FBN1: variants seen among roughly 807,000 people sequenced by gnomAD.
FBN1 encodes fibrillin 1, also known as fibrillin-1.
Under a neutral mutation model 365.1 loss-of-function variants are expected in FBN1, and 29 were observed. The observed-to-expected ratio is 0.08, with a 90% CI of 0.06 to 0.11. The LOEUF is 0.11. Ranked by LOEUF, FBN1 falls within the 10% of genes least tolerant of loss-of-function variation. The pLI is 1.00. For missense variants in FBN1, 2,476 were observed against 3,703.2 expected, an observed-to-expected ratio of 0.67 and a Z score of 8.60; for synonymous variants, 1,210 against 1,270.5, an observed-to-expected ratio of 0.95 and a Z score of 1.01.
In FBN1 at chr15:48,463,838, G is replaced by C. The variant is rs1482444608; in HGVS notation, c.5065+61C>G. ...TCACCCTAAGGTGATGAACTTGTGAGCTCTCTTCCTCTTTGTAGATGAGAA... is the reference window on the plus strand; with the variant it reads ...TCACCCTAAGGTGATGAACTTGTGACCTCTCTTCCTCTTTGTAGATGAGAA... On this transcript the variant is annotated intron_variant, in intron 41 of 65. Transcript: ENST00000316623. 1.4e-5 allele frequency: 22 copies of C among 1,539,668 alleles called. No homozygotes were observed. The Admixed American group carries it at 2.1e-4, about 15-fold the overall frequency.
chr15:48,456,871 T>TGTGTGTGTGTGCGC (rs749897052), intron 43 of FBN1, 109 bp from the exon 44 acceptor site: 87 of 1,083,598 alleles, frequency 8.0e-5, no homozygotes, highest in Middle Eastern at 2.1e-4. Context: ...TGTGTGTGTG[T>TGTGTGTGTGTGCGC]GCGTGCATGT....
At chr15:48,592,096 C>T (rs1291689655) in intron 6 of FBN1, among the ~76,000 whole-genome samples, 3 of 152,206 alleles carry the variant, frequency 2.0e-5, no homozygotes, top group African/African-American at 7.2e-5. Flanking sequence ...GCTGTTCTTA[C>T]GTCCAATGGC....
intron 19 of FBN1, 96 bp from the exon 20 acceptor site, chr15:48,496,321 G>T: frequency 6.6e-7 from 1 of 1,517,374 alleles, no homozygotes; most frequent in Non-Finnish European, 9.1e-7. Context: ...TCATAACGAC[G>T]TGATCAATTC....
At position 48,575,583 on chromosome 15, in the gene FBN1, G is replaced by A. The variant is rs375488020; in HGVS notation, c.538+20700C>T. Among the ~76,000 whole-genome samples the A allele has an allele frequency of 3.9e-5, 6 of 152,198 alleles. No homozygotes were observed. The South Asian group carries it at 1.2e-3, about 32-fold the overall frequency. ...CCCACTGTTTAGCTCACACTTATAA[G>A]TGAAAACATGTAATATTTGGCTCTG... On this transcript the variant is annotated intron_variant, in intron 6 of 65. Coordinates refer to ENST00000316623, the MANE Select transcript of FBN1 (RefSeq NM_000138.5).
At chr15:48,511,469 A>C (rs1597578712) in intron 13 of FBN1, among the ~76,000 whole-genome samples, 1 of 152,228 alleles carries the variant, frequency 6.6e-6, no homozygotes, top group African/African-American at 2.4e-5. Context: ...CCCAAGGTTA[A>C]AATAAACAGG....
intron 13 of FBN1, among the ~76,000 whole-genome samples, chr15:48,511,391 A>T (rs1275637072): frequency 6.6e-6 from 1 of 152,178 alleles, no homozygotes; most frequent in Admixed American, 6.5e-5. Context: ...ACACTCAAAA[A>T]AAAATGGTAA....
At chr15:48,452,285 G>C (rs891648522) in intron 45 of FBN1, among the ~76,000 whole-genome samples, 1 of 152,144 alleles carries the variant, frequency 6.6e-6, no homozygotes. Flanking sequence ...AGTGTTTGCA[G>C]GCAGGGCAGC....
rs967122284 is a variant in FBN1, at chr15:48,467,931, C to T, written c.4747+7G>A. 1.9e-6 allele frequency: 3 copies of T among 1,611,162 alleles called. No homozygotes were observed. In the Admixed American group the frequency reaches 5.0e-5, roughly 27 times the overall value. ...AAATAATAATAAATAGGAGGATGTC[C>T]ACTTACATGTGTTCACAGCAGGACA... On this transcript the variant is annotated splice_region_variant and intron_variant, in intron 38 of 65. Transcript: ENST00000316623.
intron 6 of FBN1, among the ~76,000 whole-genome samples, chr15:48,579,657 C>A (rs1335356019): frequency 6.6e-6 from 1 of 152,154 alleles, no homozygotes; most frequent in African/African-American, 2.4e-5. Flanking sequence ...TTATCTCAGT[C>A]CACATCACTC....
At chr15:48,516,043 A>G in intron 11 of FBN1, 140 bp downstream of exon 11, 1 of 802,146 alleles carries the variant, frequency 1.2e-6, no homozygotes. Flanking sequence ...TGATATAGAT[A>G]TAGATAACAT....
At chr15:48,521,377 TA>T (rs2043853565) in intron 9 of FBN1, among the ~76,000 whole-genome samples, 1 of 152,236 alleles carries the variant, frequency 6.6e-6, no homozygotes, top group Non-Finnish European at 1.5e-5. Context: ...ATCCAATGCT[TA>T]TTAATCAAGA....
intron 2 of FBN1, among the ~76,000 whole-genome samples, chr15:48,634,857 CCACACACACACACACACACACACACA>C (rs57811526): frequency 1.6e-4 from 11 of 69,174 alleles, no homozygotes; most frequent in African/African-American, 7.4e-4. Context: ...AAAAAAAAAA[CCACACACACACACACACACACACACA>C]CACACACACA....
intron 6 of FBN1, among the ~76,000 whole-genome samples, chr15:48,585,027 A>C (rs912103959): frequency 6.6e-6 from 1 of 152,244 alleles, no homozygotes; most frequent in East Asian, 1.9e-4. Flanking sequence ...ATATCATTGG[A>C]ATCCCTAACA....
intron 42 of FBN1, 40 bp from the exon 43 acceptor site, chr15:48,460,357 TC>T (rs1382349153): frequency 7.8e-7 from 1 of 1,287,438 alleles, no homozygotes; most frequent in Admixed American, 1.7e-5. Context: ...AGGATAGGGG[TC>T]AGCAAAGAAC....
chr15:48,506,394 C>T (rs1057403635), intron 15 of FBN1, among the ~76,000 whole-genome samples: 2 of 152,112 alleles, frequency 1.3e-5, no homozygotes, highest in Non-Finnish European at 2.9e-5. Context: ...AAAATATATT[C>T]GGGTGGTCCA....
intron 17 of FBN1, among the ~76,000 whole-genome samples, chr15:48,500,578 A>T (rs544547275): frequency 6.6e-6 from 1 of 152,356 alleles, no homozygotes; most frequent in African/African-American, 2.4e-5. Flanking sequence ...GAATAAAAAA[A>T]TAAGTAAATA....
At chr15:48,639,846 A>G (rs913042308) in intron 2 of FBN1, among the ~76,000 whole-genome samples, 3 of 152,324 alleles carry the variant, frequency 2.0e-5, no homozygotes, top group African/African-American at 2.4e-5. Flanking sequence ...TGTTAAAAGA[A>G]TGTATTTCTC....
intron 6 of FBN1, among the ~76,000 whole-genome samples, chr15:48,562,487 T>C (rs1034686883): frequency 6.6e-6 from 1 of 152,194 alleles, no homozygotes; most frequent in Non-Finnish European, 1.5e-5. Context: ...CTTTTGTGCA[T>C]GGGCATGAAC....
intron 60 of FBN1, 30 bp downstream of exon 60, chr15:48,425,339 G>A (rs758944558): frequency 1.2e-6 from 2 of 1,613,940 alleles, no homozygotes; most frequent in East Asian, 4.5e-5. Flanking sequence ...TCAGGAGCTA[G>A]GTGAGGGGCA....
Sources: allele counts gnomAD v4.1 joint callset (sites outside exome capture counted in the v4.1 genomes callset), GRCh38; gene constraint gnomAD v4.1.1; transcripts MANE v1.5; gene names NCBI Gene and HGNC (gene_info 2026-07-23, HGNC 2026-07-21).